The following TCF4 variants were observed in gnomAD, a reference collection of about 807,000 sequenced individuals.
The protein encoded by TCF4 is SL3-3 enhancer factor 2.
A neutral mutation model predicts 82.1 loss-of-function variants in TCF4; 3 were observed. The observed-to-expected ratio is 0.04, with a 90% CI of 0.02 to 0.09. The LOEUF (loss-of-function observed/expected upper bound fraction) is 0.09, where lower values mean the gene tolerates loss of function less well. Ranked by LOEUF, TCF4 falls within the 10% of genes least tolerant of loss-of-function variation. The probability of loss-of-function intolerance (pLI) is 1.00; values close to 1 mark genes in which losing one functional copy is unlikely to be tolerated. For missense variants in TCF4, 518 were observed against 852.7 expected (o/e 0.61, Z 4.89); for synonymous variants, 276 against 309.6 (o/e 0.89, Z 1.14).
intron 11 of TCF4, 154 bp downstream of exon 11, chr18:55,269,677 T>C (rs1406236690): frequency 2.0e-6 from 2 of 1,023,956 alleles, no homozygotes; most frequent in Admixed American, 4.2e-5. Flanking sequence ...GCCAGTGATT[T>C]TACTTCTGTT....
At chr18:55,387,906 T>G (rs1441085640) in intron 6 of TCF4, among the ~76,000 whole-genome samples, 1 of 152,188 alleles carries the variant, frequency 6.6e-6, no homozygotes, top group African/African-American at 2.4e-5. Flanking sequence ...AACTTCCGTG[T>G]TACAGGCTAG....
intron 3 of TCF4, among the ~76,000 whole-genome samples, chr18:55,538,026 G>GCA (rs57686777): frequency 0.082 from 10,817 of 131,382 alleles, 640 homozygotes; most frequent in African/African-American, 0.17. Context: ...CTGCGCGCGC[G>GCA]CACACACACA....
At chr18:55,542,916 A>T (rs965231363) in intron 3 of TCF4, among the ~76,000 whole-genome samples, 5 of 152,042 alleles carry the variant, frequency 3.3e-5, no homozygotes, top group African/African-American at 1.2e-4. Context: ...AGTTGGGAAC[A>T]CCCATTTGTC....
intron 10 of TCF4, among the ~76,000 whole-genome samples, chr18:55,274,221 T>C (rs1194509936): frequency 1.3e-5 from 2 of 152,126 alleles, no homozygotes; most frequent in African/African-American, 4.8e-5. Context: ...TCTCTAAGCT[T>C]TCACTCTAAT....
chr18:55,393,620 T>C (rs1253790342), intron 6 of TCF4, among the ~76,000 whole-genome samples: 1 of 152,224 alleles, frequency 6.6e-6, no homozygotes, highest in East Asian at 1.9e-4. Context: ...TTAGGGTCCT[T>C]TCCCTTTGAT....
chr18:55,588,772 C>G (rs897029761), upstream of TCF4: 14 of 1,136,910 alleles, frequency 1.2e-5, no homozygotes, highest in Non-Finnish European at 1.6e-5. Context: ...GCGTTGGGGG[C>G]GAAATCTGAA....
intron 3 of TCF4, among the ~76,000 whole-genome samples, chr18:55,531,329 G>C (rs1044175791): frequency 6.6e-6 from 1 of 152,102 alleles, no homozygotes; most frequent in Admixed American, 6.5e-5. Context: ...CAGCTCTAAG[G>C]ATAGGTACTG....
At chr18:55,312,224 A>G (rs1353724402) in intron 8 of TCF4, among the ~76,000 whole-genome samples, 1 of 152,222 alleles carries the variant, frequency 6.6e-6, no homozygotes, top group Non-Finnish European at 1.5e-5. Flanking sequence ...CTATTGAGAG[A>G]TGCAAGATTC....
chr18:55,245,829 T>G (rs2052935885), intron 15 of TCF4, among the ~76,000 whole-genome samples: 1 of 151,214 alleles, frequency 6.6e-6, no homozygotes, highest in South Asian at 2.1e-4. Flanking sequence ...GCATTATAGT[T>G]AGACCCATAT....
At chr18:55,254,751 T>TA in intron 14 of TCF4, 51 bp from the exon 15 acceptor site, 1 of 1,529,946 alleles carries the variant, frequency 6.5e-7, no homozygotes, top group Middle Eastern at 2.1e-4. Context: ...AAGGGGTGCC[T>TA]AAATTATACA....
At chr18:55,595,728 C>A (rs1348939854) in intron 2 of TCF4, among the ~76,000 whole-genome samples, 3 of 152,124 alleles carry the variant, frequency 2.0e-5, no homozygotes, top group African/African-American at 7.2e-5. Context: ...TAGTACTAGC[C>A]TTCTAGAAGT....
chr18:55,515,811 G>A (rs1021710389), intron 3 of TCF4, among the ~76,000 whole-genome samples: 2 of 152,082 alleles, frequency 1.3e-5, no homozygotes, highest in African/African-American at 4.8e-5. Context: ...AAATTTGGAG[G>A]GGGGTGGGCG....
intron 8 of TCF4, among the ~76,000 whole-genome samples, chr18:55,335,248 G>A (rs1439988016): frequency 6.6e-6 from 1 of 152,158 alleles, no homozygotes; most frequent in Non-Finnish European, 1.5e-5. Context: ...TATGTTTCAG[G>A]TCTGACTGTT....
chr18:55,293,458 C>T (rs1047684309), intron 8 of TCF4, among the ~76,000 whole-genome samples: 1 of 152,100 alleles, frequency 6.6e-6, no homozygotes, highest in East Asian at 1.9e-4. Context: ...TATGATTTTT[C>T]CCTCATTGCC....
intron 15 of TCF4, among the ~76,000 whole-genome samples, chr18:55,236,965 T>C (rs2049650516): frequency 6.6e-6 from 1 of 152,234 alleles, no homozygotes; most frequent in Non-Finnish European, 1.5e-5. Flanking sequence ...CAAGCATCTG[T>C]GACATAACTT....
chr18:55,353,497 C>T (rs754352567), intron 6 of TCF4, among the ~76,000 whole-genome samples: 1 of 152,144 alleles, frequency 6.6e-6, no homozygotes, highest in Non-Finnish European at 1.5e-5. Flanking sequence ...ATTTCTTTCT[C>T]ACTTGGACAA....
chr18:55,350,809 G>T (rs2082175348), intron 7 of TCF4, 65 bp downstream of exon 7: 3 of 1,606,584 alleles, frequency 1.9e-6, no homozygotes, highest in African/African-American at 1.3e-5. Flanking sequence ...ATATTTTAAA[G>T]AAAGAAAGAA....
Position 55,232,655 on chromosome 18 carries a change from T to C in TCF4, c.1503A>G (p.Leu501=). Residue 501 remains leucine, a synonymous_variant, in exon 17 of 20, where the codon CTA becomes CTG. Transcript: ENST00000354452. Reference sequence around the variant, plus strand: ...TGCCAGAGGAGACACTCTGCCCCTGTAGTCCTGGTGGCATGCCTGCCGAAA... The same window carrying C: ...TGCCAGAGGAGACACTCTGCCCCTGCAGTCCTGGTGGCATGCCTGCCGAAA... The part of the protein sequence containing the change: ...QDPYRGMPPG[L]QGQSVSSGSS... The C allele has an allele frequency of 5.6e-6, 9 of 1,614,206 alleles. No individual in the cohort carries two copies. Among genetic ancestry groups the C allele is most frequent in the African/African-American group, 1.3e-5 (1 of 75,070 alleles).
At chr18:55,287,076 G>GA (rs570498619) in intron 8 of TCF4, among the ~76,000 whole-genome samples, 37 of 149,352 alleles carry the variant, frequency 2.5e-4, no homozygotes, top group African/African-American at 3.7e-4. Flanking sequence ...TTGGTAGTCT[G>GA]AAAAAAAAAG....
Sources: gnomAD v4.1 joint callset for allele counts (sites outside exome capture counted in the v4.1 genomes callset) on GRCh38, gnomAD v4.1.1 for gene constraint, MANE v1.5 for transcripts, NCBI Gene and HGNC (gene_info 2026-07-23, HGNC 2026-07-21) for gene names.